The following DUSP9 variants were observed in gnomAD, a reference collection of about 807,000 sequenced individuals.
DUSP9 encodes the protein dual specificity protein phosphatase 9.
DUSP9 carries 4 observed loss-of-function variants against 13.2 expected under a neutral mutation model. The ratio of observed to expected loss-of-function variants is 0.30; its 90% CI spans 0.15 to 0.69. DUSP9 has a LOEUF of 0.69. Among genes scored for constraint, DUSP9 ranks in the 30% least tolerant of loss-of-function variants. The pLI is 0.73. For synonymous variants in DUSP9, 166 were observed against 172.3 expected (o/e 0.96, Z 0.29); for missense variants, 263 against 355.0 (o/e 0.74, Z 2.08).
upstream of DUSP9, among the ~76,000 whole-genome samples, chrX:153,644,946 C>T (rs782218174): frequency 8.9e-6 from 1 of 112,902 alleles, no homozygotes; most frequent in Non-Finnish European, 1.9e-5. Flanking sequence ...CAGCTCCCTG[C>T]TGGTCACAGC....
intron 3 of DUSP9, 136 bp downstream of exon 3, chrX:153,649,823 A>G: frequency 1.1e-6 from 1 of 887,928 alleles, no homozygotes; most frequent in Non-Finnish European, 1.5e-6. Flanking sequence ...GGGGACAGGC[A>G]GAGCTAGGGC....
intron 1 of DUSP9, 37 bp from the exon 2 acceptor site, chrX:153,647,882 T>G: frequency 1.0e-6 from 1 of 959,420 alleles, no homozygotes. Flanking sequence ...CCCTCGGCCC[T>G]CCGGTAGCTC....
Position 153,651,038 on chromosome X carries a change from G to A in DUSP9, c.*733G>A, listed in dbSNP as rs956278736. 9 of 111,168 alleles carry A rather than the reference G, an allele frequency of 8.1e-5. No homozygotes were observed. Among genetic ancestry groups the A allele is most frequent in the Admixed American group, 2.8e-4 (3 of 10,560 alleles). 9.2% of individuals were successfully genotyped at this position (111,168 alleles called of 1,213,427 possible). ...GGCCCACACAGCCGCTGCTACTTTGGGGGGTGGGGAAGGGGCCAAGCTGCA... is the reference window on the plus strand; with the variant it reads ...GGCCCACACAGCCGCTGCTACTTTGAGGGGTGGGGAAGGGGCCAAGCTGCA... On this transcript the variant is annotated 3_prime_UTR_variant, in exon 4 of 4. Coordinates refer to ENST00000342782, the MANE Select transcript of DUSP9 (RefSeq NM_001318503.2).
Position 153,648,118 on chromosome X carries a change from G to A in DUSP9, c.165G>A (p.Arg55=), listed in dbSNP as rs1188594958. 1.2e-5 allele frequency: 12 copies of A among 995,348 alleles called. No individual in the cohort carries two copies. The Admixed American group carries it at 2.8e-4, about 23-fold the overall frequency. The allele number at this position is 995,348 out of a possible 1,213,427, so 82.0% of individuals were successfully genotyped here. The change falls in exon 2 of 4, where the codon CGG becomes CGA. Residue 55 remains arginine, a synonymous_variant. Coordinates refer to ENST00000342782, the MANE Select transcript of DUSP9 (RefSeq NM_001318503.2). ...ALPALLLRRL[R]RGSLSVRALL... is the part of the protein sequence containing the mutation. Reference sequence around the variant, plus strand: ...CGGCGCTCCTGCTGCGCCGCCTGCGGAGGGGCAGCCTGTCGGTGCGCGCGC... The same window carrying A: ...CGGCGCTCCTGCTGCGCCGCCTGCGAAGGGGCAGCCTGTCGGTGCGCGCGC...
rs782769055 is a variant in DUSP9 at position 153,649,578 on chromosome X, C to T, written c.720C>T (p.Leu240=). ...ACATCCTCAATGTCACCCCCAACCT[C>T]CCAAACTTCTTCGAGAAGAATGGTG... is the stretch of plus-strand genomic sequence containing the variant. ...IRYILNVTPN[L]PNFFEKNGDF... The change falls in exon 3 of 4, where the codon CTC becomes CTT. Residue 240 remains leucine (L), a synonymous_variant. Transcript: ENST00000342782. 108 of 1,210,735 alleles carry T rather than the reference C, an allele frequency of 8.9e-5. No homozygotes were observed. The highest frequency in any genetic ancestry group is 1.2e-4 in the Non-Finnish European group (104 of 895,364).
At position 153,650,656 on chromosome X, in the gene DUSP9, G is replaced by GC. The variant is rs201205318; in HGVS notation, c.*352dup. 2.0e-5 allele frequency: 2 copies of GC among 102,245 alleles called. No homozygotes were observed. The highest frequency in any genetic ancestry group is 2.1e-5 in the Non-Finnish European group (1 of 47,365). 8.4% of individuals were successfully genotyped at this position (102,245 alleles called of 1,213,427 possible). A position where few individuals can be genotyped will look rare whatever the true frequency, so the allele number is the denominator to read the frequency against. On this transcript the variant is annotated 3_prime_UTR_variant, in exon 4 of 4. Coordinates refer to ENST00000342782, the MANE Select transcript of DUSP9 (RefSeq NM_001318503.2). ...CAGGAAGGGTGTGTGCCACCTCGTT[G>GC]CACTGGATCCCAGTGGCTGCTTGGG...
Position 153,648,417 on chromosome X carries a change from C to T in DUSP9, c.373+91C>T, listed in dbSNP as rs970987368. The T allele has an allele frequency of 9.4e-6, 9 of 952,800 alleles. No homozygotes were observed. The Admixed American group carries it at 4.0e-4, about 43-fold the overall frequency. The allele number at this position is 952,800 out of a possible 1,213,427, so 78.5% of individuals were successfully genotyped here. On this transcript the variant is annotated intron_variant, in intron 2 of 3. Transcript: ENST00000342782. ...TCTTTTTTTCTAAAGCGAGTTGAGG[C>T]CCCCCTCCCCTGATGACCTGCCAGG...
At chrX:153,644,908 G>A (rs1210874923), upstream of DUSP9, among the ~76,000 whole-genome samples, 2 of 112,781 alleles carry the variant, frequency 1.8e-5, no homozygotes, top group Non-Finnish European at 3.8e-5. Flanking sequence ...GAGCCCCCAC[G>A]GCAGGGCGGG....
At chrX:153,649,913 T>TA in intron 3 of DUSP9, 67 bp from the exon 4 acceptor site, 1 of 1,121,877 alleles carries the variant, frequency 8.9e-7, no homozygotes, top group Non-Finnish European at 1.2e-6. Flanking sequence ...TGAGGGCCCT[T>TA]CGGAAGGCCT....
At chrX:153,645,316 C>T (rs2091184389), upstream of DUSP9, among the ~76,000 whole-genome samples, 1 of 113,107 alleles carries the variant, frequency 8.8e-6, no homozygotes, top group African/African-American at 3.2e-5. Context: ...TGGGCTGGGG[C>T]CCTTGCCCAC....
rs187438785 is a variant in DUSP9, at chrX:153,649,311, G to A, written c.453G>A (p.Ala151=). The A allele has an allele frequency of 5.8e-5, 70 of 1,209,239 alleles. No homozygotes were observed. In the Admixed American group the frequency reaches 9.8e-4, roughly 17 times the overall value. Residue 151 remains alanine, a synonymous_variant, in exon 3 of 4, where the codon GCG becomes GCA. Coordinates refer to ENST00000342782, the MANE Select transcript of DUSP9 (RefSeq NM_001318503.2). The part of the protein sequence containing the change: ...SLAGRAGSSM[A]PVPGPVPVVG... ...CTGGCCGTGCCGGCTCCAGCATGGCGCCGGTGCCCGGTCCAGTGCCCGTGG... is the reference window on the plus strand; with the variant it reads ...CTGGCCGTGCCGGCTCCAGCATGGCACCGGTGCCCGGTCCAGTGCCCGTGG...
chrX:153,643,119 A>G (rs1486288713), upstream of DUSP9, among the ~76,000 whole-genome samples: 1 of 105,395 alleles, frequency 9.5e-6, no homozygotes, highest in South Asian at 4.5e-4. Context: ...CAGTCCACCC[A>G]TCCTGGAGCG....
At position 153,649,624 on chromosome X, in the gene DUSP9, C is replaced by T; in HGVS notation, c.766C>T (p.Pro256Ser). The change falls in exon 3 of 4, where the codon CCC becomes TCC. Residue 256 changes from proline to serine, a missense_variant. By Grantham distance (74) the Pro-to-Ser change is moderately conservative (BLOSUM62 -1). Transcript: ENST00000342782. ...TGGTGACTTTCACTACAAGCAGATC[C>T]CCATCTCCGACCACTGGAGCCAGAA... Reference protein sequence around the residue: ...KNGDFHYKQIPISDHWSQNLS... With the variant: ...KNGDFHYKQISISDHWSQNLS... The T allele has an allele frequency of 1.7e-6, 2 of 1,211,947 alleles. No homozygotes were observed. Among genetic ancestry groups the T allele is most frequent in the Non-Finnish European group, 2.2e-6 (2 of 895,601 alleles).
upstream of DUSP9, chrX:153,643,590 C>A (rs1557035126): frequency 6.3e-6 from 2 of 317,900 alleles, no homozygotes; most frequent in African/African-American, 5.4e-5. Context: ...GCGGAGAGAG[C>A]CCGGCGCTGA....
In DUSP9 at chrX:153,648,340, G is replaced by A. The variant is rs1293175531; in HGVS notation, c.373+14G>A. The A allele has an allele frequency of 9.0e-6, 10 of 1,105,649 alleles. No homozygotes were observed. The African/African-American group carries it at 1.1e-4, about 13-fold the overall frequency. 91.1% of individuals were successfully genotyped at this position (1,105,649 alleles called of 1,213,427 possible). A position where few individuals can be genotyped will look rare whatever the true frequency, so the allele number is the denominator to read the frequency against. ...ACTACCTCCAGGGTAGGTGCCGCGG[G>A]GCCCTCCTTCCAGGGGGTTCGGGAT... On this transcript the variant is annotated intron_variant, in intron 2 of 3. Transcript: ENST00000342782.
chrX:153,650,253 CCTT>C lies in DUSP9; in HGVS notation c.1108_1110del (p.Phe370del), dbSNP rs782299399. 1.9e-5 allele frequency: 23 copies of C among 1,207,379 alleles called. No homozygotes were observed. In the South Asian group the frequency reaches 2.5e-4, roughly 13 times the overall value. ...GCATCTGCGGCCTCCAACCCGCCCTCCTTCTTCACCACCCCCACCAGTGATGGC... is the reference window on the plus strand; with the variant it reads ...GCATCTGCGGCCTCCAACCCGCCCTCCTTCACCACCCCCACCAGTGATGGC... On this transcript the variant is annotated inframe_deletion, in exon 4 of 4. Transcript: ENST00000342782.
At chrX:153,642,671 G>T (rs1557034975), upstream of DUSP9, 1 of 23,275 alleles carries the variant, frequency 4.3e-5, no homozygotes, top group African/African-American at 1.9e-4. Context: ...GGCTGCCCCC[G>T]CCCCGACGTG....
At position 153,650,998 on chromosome X, in the gene DUSP9, C is replaced by A. The variant is rs1389668213; in HGVS notation, c.*693C>A. The A allele has an allele frequency of 9.0e-6, 1 of 111,197 alleles. No individual in the cohort carries two copies. The highest frequency in any genetic ancestry group is 1.9e-5 in the Non-Finnish European group (1 of 52,853). 9.2% of individuals were successfully genotyped at this position (111,197 alleles called of 1,213,427 possible). Reference sequence around the variant, plus strand: ...GGGGGAGGGGAAGAAGAAGGCCTCACTTTTGCTGCTGCGGGGCCCACACAG... The same window carrying A: ...GGGGGAGGGGAAGAAGAAGGCCTCAATTTTGCTGCTGCGGGGCCCACACAG... On this transcript the variant is annotated 3_prime_UTR_variant, in exon 4 of 4. Coordinates refer to ENST00000342782, the MANE Select transcript of DUSP9 (RefSeq NM_001318503.2).
intron 1 of DUSP9, 38 bp from the exon 2 acceptor site, chrX:153,647,881 C>T: frequency 1.0e-6 from 1 of 959,102 alleles, no homozygotes; most frequent in Non-Finnish European, 1.3e-6. Context: ...CCCCTCGGCC[C>T]TCCGGTAGCT....
Sources: allele counts gnomAD v4.1 joint callset (sites outside exome capture counted in the v4.1 genomes callset), GRCh38; gene constraint gnomAD v4.1.1; transcripts MANE v1.5; gene names NCBI Gene and HGNC (gene_info 2026-07-23, HGNC 2026-07-21).